Variants in TPTE2 observed in about 807,000 individuals in gnomAD.
TPTE2 encodes transmembrane phosphoinositide 3-phosphatase and tensin homolog 2.
A neutral mutation model predicts 78.6 loss-of-function variants in TPTE2; 53 were observed. The observed-to-expected ratio is 0.67, with a 90% CI of 0.54 to 0.85. The LOEUF is 0.85. TPTE2 is among the 40% of genes least tolerant of loss of function. The probability of loss-of-function intolerance (pLI) is 0.00; values close to 1 mark genes in which losing one functional copy is unlikely to be tolerated. For synonymous variants in TPTE2, 175 were observed against 206.2 expected (o/e 0.85, Z 1.30); for missense variants, 461 against 623.0 (o/e 0.74, Z 2.77).
intron 1 of TPTE2, among the ~76,000 whole-genome samples, chr13:19,515,666 C>A (rs183606537): frequency 6.6e-6 from 1 of 152,032 alleles, no homozygotes; most frequent in South Asian, 2.1e-4. Flanking sequence ...TATAGGCATC[C>A]GCTACTTTTC....
At chr13:19,545,063 A>G in the TPTE2 span, among the ~76,000 whole-genome samples, 1 of 152,164 alleles carries the variant, frequency 6.6e-6, no homozygotes, top group Non-Finnish European at 1.5e-5. Flanking sequence ...AACTGGCCAG[A>G]AAAGAGGAAA....
chr13:19,441,269 G>A (rs1349036121), intron 13 of TPTE2, among the ~76,000 whole-genome samples: 3 of 151,820 alleles, frequency 2.0e-5, no homozygotes, highest in African/African-American at 7.3e-5. Context: ...AGTTCTAGAC[G>A]GGGCACAGCA....
chr13:19,474,437 TAAG>T (rs1394986435), intron 5 of TPTE2, among the ~76,000 whole-genome samples: 5 of 152,218 alleles, frequency 3.3e-5, no homozygotes. Context: ...CAGAATTTCA[TAAG>T]AAGTTTATAC....
chr13:19,476,599 C>A (rs1011481304), intron 4 of TPTE2, among the ~76,000 whole-genome samples: 4 of 152,082 alleles, frequency 2.6e-5, no homozygotes, highest in East Asian at 1.9e-4. Context: ...ATGTGGCCAA[C>A]AAGCATACGA....
chr13:19,485,162 G>A (rs1487773442), intron 3 of TPTE2, among the ~76,000 whole-genome samples: 1 of 151,942 alleles, frequency 6.6e-6, no homozygotes, highest in Admixed American at 6.6e-5. Flanking sequence ...TTAAAGTTTT[G>A]CATGTTTTTA....
chr13:19,482,097 T>C (rs1880390756), intron 4 of TPTE2, among the ~76,000 whole-genome samples: 1 of 152,122 alleles, frequency 6.6e-6, no homozygotes, highest in Non-Finnish European at 1.5e-5. Context: ...GCTTTTGCTA[T>C]CAATACTATT....
intron 3 of TPTE2, among the ~76,000 whole-genome samples, chr13:19,485,965 T>G (rs1880640180): frequency 6.6e-6 from 1 of 152,302 alleles, no homozygotes; most frequent in East Asian, 1.9e-4. Context: ...TTACCTTATA[T>G]CTCACTGAGT....
the TPTE2 span, among the ~76,000 whole-genome samples, chr13:19,544,771 G>A: frequency 1.3e-5 from 2 of 152,094 alleles, no homozygotes; most frequent in African/African-American, 2.4e-5. Context: ...GGTGGCATGC[G>A]CCTGTCACCC....
chr13:19,427,997 C>T (rs1876265967), intron 17 of TPTE2, among the ~76,000 whole-genome samples: 1 of 152,084 alleles, frequency 6.6e-6, no homozygotes, highest in African/African-American at 2.4e-5. Flanking sequence ...TTATGTACTA[C>T]TGGGGGCTAG....
intron 1 of TPTE2, among the ~76,000 whole-genome samples, chr13:19,522,924 C>A (rs1870260200): frequency 6.6e-6 from 1 of 152,088 alleles, no homozygotes; most frequent in Non-Finnish European, 1.5e-5. Context: ...CTGCACCCAG[C>A]CTTTGTTTAC....
chr13:19,497,529 A>G lies in TPTE2; in HGVS notation c.12-4028T>C, dbSNP rs570349984. ...GCAGCCTAACTGGGAGGCACCCCCCAGCAGGGGCACACTGACACCTCACAT... is the reference window on the plus strand; with the variant it reads ...GCAGCCTAACTGGGAGGCACCCCCCGGCAGGGGCACACTGACACCTCACAT... On this transcript the variant is annotated intron_variant, in intron 1 of 19. Transcript: ENST00000400230. 3.7e-4 allele frequency among the ~76,000 whole-genome samples: 29 copies of G among 78,272 alleles called. 3 individuals carry two copies. Among genetic ancestry groups the G allele is most frequent in the African/African-American group, 8.7e-4 (27 of 30,906 alleles). 51.3% of individuals were successfully genotyped at this position (78,272 alleles called of 152,430 possible).
chr13:19,467,590 A>G (rs531951360), intron 6 of TPTE2, among the ~76,000 whole-genome samples: 4 of 152,330 alleles, frequency 2.6e-5, no homozygotes, highest in African/African-American at 4.8e-5. Context: ...CAATTCAAAC[A>G]TAATAAGAGA....
chr13:19,475,739 T>A (rs898648716), intron 4 of TPTE2, 116 bp from the exon 8 acceptor site: 14 of 1,086,586 alleles, frequency 1.3e-5, no homozygotes, highest in Admixed American at 5.9e-5. Context: ...AGAAGTTGTA[T>A]AACAAAATGC....
chr13:19,425,655 G>A (rs1411451824), intron 18 of TPTE2: 46 of 499,696 alleles, frequency 9.2e-5, no homozygotes, highest in Middle Eastern at 1.4e-3. Context: ...GGCTGCTTGC[G>A]TTAAACCAAA....
At chr13:19,539,017 G>T (rs956990370), upstream of TPTE2, among the ~76,000 whole-genome samples, 2 of 152,148 alleles carry the variant, frequency 1.3e-5, no homozygotes, top group Non-Finnish European at 2.9e-5. Flanking sequence ...GTTCTGAAGT[G>T]GCTGAGCATG....
chr13:19,447,857 T>C (rs1877937433), intron 13 of TPTE2, among the ~76,000 whole-genome samples: 1 of 152,194 alleles, frequency 6.6e-6, no homozygotes, highest in African/African-American at 2.4e-5. Flanking sequence ...TGTCAACTTC[T>C]TCGTATCATT....
chr13:19,561,180 G>C, the TPTE2 span: 14 of 1,563,578 alleles, frequency 9.0e-6, no homozygotes, highest in Non-Finnish European at 1.1e-5. Flanking sequence ...CTCTGTCTCC[G>C]AGGAGCCCTT....
intron 7 of TPTE2, among the ~76,000 whole-genome samples, chr13:19,465,908 T>C (rs1879244002): frequency 6.6e-6 from 1 of 152,248 alleles, no homozygotes; most frequent in Non-Finnish European, 1.5e-5. Context: ...AGAGAAATAG[T>C]GATACGATAG....
chr13:19,549,996 A>T, the TPTE2 span, among the ~76,000 whole-genome samples: 1 of 100,792 alleles, frequency 9.9e-6, no homozygotes, highest in Non-Finnish European at 2.4e-5. Context: ...ACTGGGGCCT[A>T]TTCGAGGGGG....
Sources: allele counts gnomAD v4.1 joint callset (sites outside exome capture counted in the v4.1 genomes callset), GRCh38; gene constraint gnomAD v4.1.1; transcripts MANE v1.5; gene names NCBI Gene and HGNC (gene_info 2026-07-23, HGNC 2026-07-21).